Variants in RORB observed in about 807,000 individuals in gnomAD.
RORB encodes the protein RAR related orphan receptor B, also known as nuclear receptor ROR-beta.
In RORB, 6 loss-of-function variants were observed where a neutral mutation model predicts 59.1. The observed-to-expected ratio is 0.10, with a 90% CI of 0.06 to 0.20. The LOEUF is 0.20. RORB is among the 10% of genes least tolerant of loss of function. The pLI is 1.00. For synonymous variants in RORB, 215 were observed against 204.5 expected, an observed-to-expected ratio of 1.05 and a Z score of -0.44; for missense variants, 320 against 560.5, an observed-to-expected ratio of 0.57 and a Z score of 4.33.
At chr9:74,663,104 A>G (rs1824215876) in intron 6 of RORB, among the ~76,000 whole-genome samples, 1 of 152,158 alleles carries the variant, frequency 6.6e-6, no homozygotes, top group African/African-American at 2.4e-5. Context: ...CAATTGCTAC[A>G]ATCGCTGCGG....
intron 1 of RORB, among the ~76,000 whole-genome samples, chr9:74,609,680 A>T (rs1319011254): frequency 6.6e-6 from 1 of 152,238 alleles, no homozygotes; most frequent in Non-Finnish European, 1.5e-5. Context: ...TCAGCTGGGT[A>T]TAATTTTCAT....
chr9:74,652,345 T>C (rs1347585633), intron 4 of RORB, among the ~76,000 whole-genome samples: 1 of 152,054 alleles, frequency 6.6e-6, no homozygotes, highest in African/African-American at 2.4e-5. Flanking sequence ...GAAGCAGAGG[T>C]TGCAGTGAGC....
chr9:74,630,502 C>A (rs1380481336), intron 2 of RORB, 135 bp downstream of exon 2: 1 of 280,456 alleles, frequency 3.6e-6, no homozygotes, highest in African/African-American at 2.2e-5. Flanking sequence ...GGAATTCTTG[C>A]GTGGTGGGTG....
At chr9:74,579,491 G>GT (rs1226530264) in intron 1 of RORB, among the ~76,000 whole-genome samples, 10 of 151,874 alleles carry the variant, frequency 6.6e-5, no homozygotes, top group East Asian at 1.9e-4. Flanking sequence ...GGGTGGGTCA[G>GT]TTTTTTTTCT....
intron 1 of RORB, among the ~76,000 whole-genome samples, chr9:74,540,467 T>G (rs1312995633): frequency 1.3e-5 from 2 of 152,182 alleles, no homozygotes; most frequent in African/African-American, 4.8e-5. Context: ...CATCAAAGAA[T>G]TCCTGACAAA....
intron 8 of RORB, among the ~76,000 whole-genome samples, chr9:74,668,791 C>T (rs1824306481): frequency 6.6e-6 from 1 of 152,040 alleles, no homozygotes; most frequent in South Asian, 2.1e-4. Context: ...CCCAGGGTGG[C>T]AGAAACAGAA....
chr9:74,656,552 A>G (rs1410212630), intron 4 of RORB, among the ~76,000 whole-genome samples: 1 of 152,156 alleles, frequency 6.6e-6, no homozygotes, highest in Non-Finnish European at 1.5e-5. Flanking sequence ...CCTGGCCAAC[A>G]TGAAGAAACC....
intron 1 of RORB, among the ~76,000 whole-genome samples, chr9:74,608,136 A>G (rs1342010374): frequency 1.3e-5 from 2 of 152,192 alleles, no homozygotes; most frequent in Non-Finnish European, 2.9e-5. Context: ...TATTTGATAA[A>G]TGAACAAATG....
At chr9:74,679,082 C>A (rs143118612) in intron 9 of RORB, among the ~76,000 whole-genome samples, 3 of 148,910 alleles carry the variant, frequency 2.0e-5, no homozygotes, top group African/African-American at 7.4e-5. Flanking sequence ...AAAAAACCAA[C>A]CAAACAAACA....
At chr9:74,634,363 A>G (rs1823668164) in intron 2 of RORB, among the ~76,000 whole-genome samples, 2 of 152,212 alleles carry the variant, frequency 1.3e-5, no homozygotes, top group East Asian at 3.8e-4. Flanking sequence ...ATAGAACAGC[A>G]CAGCTGCAAA....
chr9:74,628,860 C>G (rs776223338), intron 1 of RORB, among the ~76,000 whole-genome samples: 4 of 152,152 alleles, frequency 2.6e-5, no homozygotes, highest in Non-Finnish European at 5.9e-5. Flanking sequence ...TAAATTTTGT[C>G]TCATGGATCC....
chr9:74,510,537 A>G (rs1034372070), intron 1 of RORB, among the ~76,000 whole-genome samples: 1 of 152,160 alleles, frequency 6.6e-6, no homozygotes, highest in African/African-American at 2.4e-5. Context: ...GTTAAAATTT[A>G]TAATAATCTC....
intron 9 of RORB, among the ~76,000 whole-genome samples, chr9:74,683,053 T>A (rs1824572770): frequency 6.6e-6 from 1 of 152,188 alleles, no homozygotes; most frequent in African/African-American, 2.4e-5. Flanking sequence ...TGAAACTGAA[T>A]CCTCTAGGAG....
intron 1 of RORB, among the ~76,000 whole-genome samples, chr9:74,512,807 T>C (rs1290311901): frequency 6.6e-6 from 1 of 152,128 alleles, no homozygotes; most frequent in Non-Finnish European, 1.5e-5. Context: ...GCCTCCCCCT[T>C]TACAATAATC....
At chr9:74,622,575 G>A (rs544519544) in intron 1 of RORB, among the ~76,000 whole-genome samples, 10 of 130,856 alleles carry the variant, frequency 7.6e-5, no homozygotes, top group South Asian at 5.4e-4. Flanking sequence ...CGCCCAGGCC[G>A]GAGTGCAGTG....
At chr9:74,550,005 G>T (rs1826582280) in intron 1 of RORB, among the ~76,000 whole-genome samples, 1 of 152,110 alleles carries the variant, frequency 6.6e-6, no homozygotes, top group Admixed American at 6.6e-5. Context: ...AGGATTACAG[G>T]CATGAGCCCC....
intron 1 of RORB, among the ~76,000 whole-genome samples, chr9:74,589,931 A>T (rs988035937): frequency 3.9e-5 from 6 of 152,242 alleles, no homozygotes; most frequent in Non-Finnish European, 8.8e-5. Context: ...GTGGATAAGA[A>T]CATAGACTTT....
At chr9:74,595,957 A>G (rs771052168) in intron 1 of RORB, among the ~76,000 whole-genome samples, 6 of 152,174 alleles carry the variant, frequency 3.9e-5, no homozygotes, top group Non-Finnish European at 7.4e-5. Flanking sequence ...TCTCAGCTCT[A>G]TAGAGCCCAC....
chr9:74,549,629 A>AAAGGAAAG (rs1188493874), intron 1 of RORB, among the ~76,000 whole-genome samples: 1 of 98,756 alleles, frequency 1.0e-5, no homozygotes, highest in Non-Finnish European at 2.2e-5. Flanking sequence ...AGGAAGGAAG[A>AAAGGAAAG]AAGGAAAGAA....
Sources: allele counts gnomAD v4.1 joint callset (sites outside exome capture counted in the v4.1 genomes callset), GRCh38; gene constraint gnomAD v4.1.1; transcripts MANE v1.5; gene names NCBI Gene and HGNC (gene_info 2026-07-23, HGNC 2026-07-21).